The following MAGOHB variants were observed in gnomAD, a reference collection of about 807,000 sequenced individuals.
The protein encoded by MAGOHB is mago homolog B, exon junction complex subunit, also known as protein mago nashi homolog 2.
MAGOHB carries 15 observed loss-of-function variants against 20.9 expected under a neutral mutation model. That is an observed-to-expected ratio of 0.72 (90% CI 0.48 to 1.11). MAGOHB has a LOEUF of 1.11. MAGOHB is among the 50% of genes least tolerant of loss of function. The pLI is 0.00. For missense variants in MAGOHB, 162 were observed against 177.6 expected, an observed-to-expected ratio of 0.91 and a Z score of 0.50; for synonymous variants, 50 against 57.9, an observed-to-expected ratio of 0.86 and a Z score of 0.62.
chr12:10,612,625 TACTC>T, intron 1 of MAGOHB: 1 of 1,087,476 alleles, frequency 9.2e-7, no homozygotes, highest in Non-Finnish European at 1.1e-6. Context: ...AAATTTGTCT[TACTC>T]ATTACTGTAC....
chr12:10,603,699 G>C (rs1289096357), downstream of MAGOHB, among the ~76,000 whole-genome samples: 2 of 152,204 alleles, frequency 1.3e-5, no homozygotes, highest in African/African-American at 4.8e-5. Context: ...TTGAGTGGTA[G>C]TTATCCAACT....
chr12:10,609,600 G>A, intron 3 of MAGOHB: 1 of 525,186 alleles, frequency 1.9e-6, no homozygotes, highest in Non-Finnish European at 3.4e-6. Flanking sequence ...GTTGGCTGGG[G>A]TGACTACAGA....
At chr12:10,607,628 T>C (rs1419323374) in intron 4 of MAGOHB, among the ~76,000 whole-genome samples, 2 of 152,210 alleles carry the variant, frequency 1.3e-5, no homozygotes, top group Non-Finnish European at 2.9e-5. Context: ...GGCATTATTA[T>C]ATACAGCTGT....
chr12:10,600,666 C>T (rs1401996397), downstream of MAGOHB, among the ~76,000 whole-genome samples: 1 of 152,166 alleles, frequency 6.6e-6, no homozygotes, highest in South Asian at 2.1e-4. Context: ...TCACCTATAT[C>T]GAAGACTTGA....
chr12:10,600,910 C>A (rs1332260691), downstream of MAGOHB, among the ~76,000 whole-genome samples: 1 of 152,074 alleles, frequency 6.6e-6, no homozygotes, highest in Non-Finnish European at 1.5e-5. Context: ...TCCCTGAAGT[C>A]GGCCACATCA....
At chr12:10,607,995 A>T in intron 3 of MAGOHB, 59 bp from the exon 4 acceptor site, 1 of 1,054,826 alleles carries the variant, frequency 9.5e-7, no homozygotes. Context: ...AGGTATCTGT[A>T]TTCTTGCTAC....
intron 4 of MAGOHB, 58 bp downstream of exon 4, chr12:10,607,796 T>C: frequency 3.2e-6 from 3 of 924,986 alleles, no homozygotes; most frequent in Non-Finnish European, 5.2e-6. Flanking sequence ...CTGACTATAG[T>C]TCTAAAATGA....
At chr12:10,608,458 T>C (rs1865667564) in intron 3 of MAGOHB, 1 of 152,188 alleles carries the variant, frequency 6.6e-6, no homozygotes, top group African/African-American at 2.4e-5. Flanking sequence ...ATTTTACAAA[T>C]GTGTAATCCA....
At chr12:10,611,771 A>AAAAG (rs1555146554) in intron 1 of MAGOHB, among the ~76,000 whole-genome samples, 507 of 93,030 alleles carry the variant, frequency 5.4e-3, no homozygotes, top group African/African-American at 7.8e-3. Flanking sequence ...AAAAAAAAAA[A>AAAAG]AAAAGAAAAG....
intron 3 of MAGOHB, chr12:10,609,266 G>A (rs956849440): frequency 3.1e-5 from 11 of 353,818 alleles, no homozygotes; most frequent in Admixed American, 2.2e-4. Context: ...CCTTCCAGGG[G>A]TTGTTGAAGG....
intron 1 of MAGOHB, 56 bp from the exon 2 acceptor site, chr12:10,610,736 ACAT>A: frequency 6.7e-7 from 1 of 1,487,182 alleles, no homozygotes; most frequent in Admixed American, 2.3e-5. Context: ...AAAAAAATTA[ACAT>A]CATATACAAT....
chr12:10,600,828 A>G (rs1246642337), downstream of MAGOHB, among the ~76,000 whole-genome samples: 1 of 152,158 alleles, frequency 6.6e-6, no homozygotes, highest in East Asian at 1.9e-4. Context: ...ATCAGGTGAT[A>G]GTGGTTAATA....
chr12:10,610,575 TGCAAAAAAAAAAAA>T, intron 2 of MAGOHB, 33 bp downstream of exon 2: 2 of 1,204,596 alleles, frequency 1.7e-6, no homozygotes, highest in South Asian at 1.9e-5. Flanking sequence ...ATGGGCTAAA[TGCAAAAAAAAAAAA>T]AAAAAAAAAA....
intron 1 of MAGOHB, chr12:10,612,847 G>T (rs1565553293): frequency 7.8e-7 from 1 of 1,289,062 alleles, no homozygotes; most frequent in African/African-American, 1.5e-5. Flanking sequence ...CTGGAAGTCT[G>T]TTTTTTTCTC....
intron 1 of MAGOHB, 150 bp downstream of exon 1, chr12:10,613,289 T>C (rs1297726641): frequency 8.6e-6 from 6 of 698,910 alleles, no homozygotes; most frequent in Non-Finnish European, 1.5e-5. Context: ...TTCTCTTTCA[T>C]TTATAAAACC....
chr12:10,610,404 G>C (rs1379007190), intron 2 of MAGOHB, among the ~76,000 whole-genome samples: 1 of 151,994 alleles, frequency 6.6e-6, no homozygotes, highest in East Asian at 1.9e-4. Context: ...ATAAATGCAA[G>C]TGTAGTTCAC....
intron 1 of MAGOHB, among the ~76,000 whole-genome samples, chr12:10,611,590 T>C (rs1865738085): frequency 6.7e-6 from 1 of 149,618 alleles, no homozygotes; most frequent in Admixed American, 6.6e-5. Context: ...CTACTAAAAA[T>C]ACGAAAAAAT....
At chr12:10,609,739 C>A in intron 3 of MAGOHB, 92 bp downstream of exon 3, 1 of 771,740 alleles carries the variant, frequency 1.3e-6, no homozygotes, top group South Asian at 1.8e-5. Context: ...GCCAAAGAAT[C>A]AACTTAGACT....
At chr12:10,603,926 G>C (rs1865580741), downstream of MAGOHB, among the ~76,000 whole-genome samples, 1 of 152,194 alleles carries the variant, frequency 6.6e-6, no homozygotes, top group African/African-American at 2.4e-5. Context: ...AAACGAAGTA[G>C]TCTAACAATA....
Sources: gnomAD v4.1 joint callset for allele counts (sites outside exome capture counted in the v4.1 genomes callset) on GRCh38, gnomAD v4.1.1 for gene constraint, MANE v1.5 for transcripts, NCBI Gene and HGNC (gene_info 2026-07-23, HGNC 2026-07-21) for gene names.